The following SOX5 variants were observed in gnomAD, a reference collection of about 807,000 sequenced individuals.
SOX5 encodes the protein transcription factor SOX-5.
In SOX5, 9 loss-of-function variants were observed where a neutral mutation model predicts 92.0. The ratio of observed to expected loss-of-function variants is 0.10; its 90% CI spans 0.06 to 0.17. The LOEUF (loss-of-function observed/expected upper bound fraction) is 0.17, where lower values mean the gene tolerates loss of function less well. Ranked by LOEUF, SOX5 falls within the 10% of genes least tolerant of loss-of-function variation. SOX5 has a pLI of 1.00. For synonymous variants in SOX5, 344 were observed against 336.3 expected (o/e 1.02, Z -0.25); for missense variants, 642 against 944.5 (o/e 0.68, Z 4.20).
At chr12:24,257,694 C>T (rs529664375) in intron 3 of SOX5, among the ~76,000 whole-genome samples, 1 of 151,878 alleles carries the variant, frequency 6.6e-6, no homozygotes, top group Admixed American at 6.6e-5. Context: ...GTCTCGAACT[C>T]CTGACCTCGT....
At chr12:23,729,004 T>C (rs962535328) in intron 6 of SOX5, among the ~76,000 whole-genome samples, 2 of 152,136 alleles carry the variant, frequency 1.3e-5, no homozygotes, top group Non-Finnish European at 2.9e-5. Flanking sequence ...CTCACAGTTT[T>C]TAGTGACTAC....
At chr12:23,584,567 GC>G in intron 9 of SOX5, 1 of 1,610,540 alleles carries the variant, frequency 6.2e-7, no homozygotes, top group Non-Finnish European at 8.5e-7. Context: ...AGCTCCTATG[GC>G]ACAAATCTCC....
At chr12:24,357,671 C>T (rs1013376556) in intron 2 of SOX5, among the ~76,000 whole-genome samples, 5 of 152,020 alleles carry the variant, frequency 3.3e-5, no homozygotes, top group Non-Finnish European at 4.4e-5. Context: ...GGTGAAACTC[C>T]ATTTCTACTA....
intron 1 of SOX5, among the ~76,000 whole-genome samples, chr12:24,499,208 G>A (rs2138097578): frequency 6.6e-6 from 1 of 152,320 alleles, no homozygotes; most frequent in African/African-American, 2.4e-5. Context: ...CGTGAAACCA[G>A]ATGTTCATTT....
At chr12:24,523,766 G>T (rs1044494605) in intron 1 of SOX5, among the ~76,000 whole-genome samples, 2 of 152,150 alleles carry the variant, frequency 1.3e-5, no homozygotes, top group Non-Finnish European at 2.9e-5. Flanking sequence ...AAACTTAAAT[G>T]TAAGACCTAA....
At chr12:24,438,667 G>C (rs1303807251) in intron 1 of SOX5, among the ~76,000 whole-genome samples, 3 of 152,202 alleles carry the variant, frequency 2.0e-5, no homozygotes, top group South Asian at 2.1e-4. Context: ...CATGGTTCAA[G>C]ACTTCAGGAG....
rs114440322 is a variant in SOX5, at chr12:23,989,086, G to A, written c.-1-93062C>T. Among the ~76,000 whole-genome samples, 1,006 of 151,960 alleles carry A rather than the reference G, an allele frequency of 6.6e-3. 8 individuals carry two copies. Among genetic ancestry groups the A allele is most frequent in the African/African-American group, 0.023 (964 of 41,470 alleles). ...AGGAAGTTTCGTCATGTGAATAAGT[G>A]GCTTAGGCCACGTGCGTTGGCTCAT... is the stretch of plus-strand genomic sequence containing the variant. On this transcript the variant is annotated intron_variant, in intron 4 of 4. Coordinates refer to the SOX5 transcript ENST00000446891.
intron 3 of SOX5, among the ~76,000 whole-genome samples, chr12:23,817,615 A>C (rs1035291192): frequency 8.5e-5 from 13 of 152,252 alleles, no homozygotes; most frequent in African/African-American, 3.1e-4. Flanking sequence ...CAAATTGGCT[A>C]GACCAGTCAT....
At chr12:23,988,024 TAGAA>T in intron 4 of SOX5, among the ~76,000 whole-genome samples, 1 of 152,162 alleles carries the variant, frequency 6.6e-6, no homozygotes, top group Non-Finnish European at 1.5e-5. Context: ...AGTAATATAA[TAGAA>T]ATAAAGAAAA....
chr12:23,941,938 TAA>T (rs11315586), intron 1 of SOX5, among the ~76,000 whole-genome samples: 397 of 138,242 alleles, frequency 2.9e-3, no homozygotes, highest in Middle Eastern at 0.011. Flanking sequence ...CACTAGCTAA[TAA>T]AAAAAAAAAA....
intron 4 of SOX5, among the ~76,000 whole-genome samples, chr12:24,075,245 G>C (rs1252845831): frequency 6.8e-6 from 1 of 146,462 alleles, no homozygotes; most frequent in Non-Finnish European, 1.5e-5. Flanking sequence ...CTCCAGCCTG[G>C]GGCAAGAGAG....
At chr12:24,276,934 C>CT (rs1595074528) in intron 3 of SOX5, among the ~76,000 whole-genome samples, 2 of 152,078 alleles carry the variant, frequency 1.3e-5, no homozygotes, top group East Asian at 3.9e-4. Flanking sequence ...GCTTTCACAA[C>CT]TTCAGAAAAA....
intron 4 of SOX5, among the ~76,000 whole-genome samples, chr12:24,013,945 A>G (rs1390420763): frequency 1.3e-5 from 2 of 152,202 alleles, no homozygotes; most frequent in African/African-American, 4.8e-5. Flanking sequence ...TGAGTGATAA[A>G]CACAGAATCA....
At chr12:23,956,876 C>G (rs569103400) in intron 4 of SOX5, among the ~76,000 whole-genome samples, 21 of 152,222 alleles carry the variant, frequency 1.4e-4, no homozygotes, top group African/African-American at 5.1e-4. Flanking sequence ...GTTGGCCAGG[C>G]TGATCTCGAA....
At chr12:24,217,518 T>C (rs1489818287) in intron 3 of SOX5, among the ~76,000 whole-genome samples, 1 of 152,190 alleles carries the variant, frequency 6.6e-6, no homozygotes, top group African/African-American at 2.4e-5. Context: ...TACACCTACA[T>C]GTAGAAACTA....
At chr12:24,153,369 A>G (rs112729467) in intron 4 of SOX5, among the ~76,000 whole-genome samples, 108 of 152,238 alleles carry the variant, frequency 7.1e-4, no homozygotes, top group African/African-American at 2.5e-3. Flanking sequence ...CACTTACAGG[A>G]GGCTTGTCTC....
chr12:23,562,992 C>T (rs969061296), intron 11 of SOX5, among the ~76,000 whole-genome samples: 1 of 152,096 alleles, frequency 6.6e-6, no homozygotes, highest in African/African-American at 2.4e-5. Flanking sequence ...ATTTCAAATG[C>T]CATTTTGTTT....
chr12:24,508,554 T>G (rs1949015293), intron 1 of SOX5, among the ~76,000 whole-genome samples: 1 of 152,134 alleles, frequency 6.6e-6, no homozygotes, highest in Admixed American at 6.5e-5. Context: ...AAGTGGGATG[T>G]GCATCTGCAG....
intron 3 of SOX5, among the ~76,000 whole-genome samples, chr12:23,790,703 T>C (rs986873780): frequency 3.9e-5 from 6 of 152,126 alleles, no homozygotes; most frequent in Admixed American, 6.6e-5. Flanking sequence ...CAGACTCATG[T>C]TTTCAACTGT....
Sources: allele counts gnomAD v4.1 joint callset (sites outside exome capture counted in the v4.1 genomes callset), GRCh38; gene constraint gnomAD v4.1.1; transcripts MANE v1.5; gene names NCBI Gene and HGNC (gene_info 2026-07-23, HGNC 2026-07-21).